The following SHCBP1L variants were observed in gnomAD, a reference collection of about 807,000 sequenced individuals.
The protein encoded by SHCBP1L is testicular spindle-associated protein SHCBP1L.
Under a neutral mutation model 62.5 loss-of-function variants are expected in SHCBP1L, and 67 were observed. The ratio of observed to expected loss-of-function variants is 1.07; its 90% confidence interval spans 0.88 to 1.31. The LOEUF (loss-of-function observed/expected upper bound fraction) is 1.31, where lower values mean the gene tolerates loss of function less well. Ranked by LOEUF, SHCBP1L falls within the 40% of genes most tolerant of loss-of-function variation. SHCBP1L has a pLI of 0.00. For missense variants in SHCBP1L, 823 were observed against 809.8 expected (o/e 1.02, Z -0.20); for synonymous variants, 284 against 289.4 (o/e 0.98, Z 0.19).
chr1:182,913,800 G>A (rs1219294690), intron 6 of SHCBP1L, among the ~76,000 whole-genome samples: 1 of 152,178 alleles, frequency 6.6e-6, no homozygotes, highest in Admixed American at 6.5e-5. Flanking sequence ...GGCCAACATG[G>A]CGAAACCCCA....
At chr1:182,906,047 G>A (rs750273576) in intron 6 of SHCBP1L, among the ~76,000 whole-genome samples, 1 of 151,956 alleles carries the variant, frequency 6.6e-6, no homozygotes, top group Non-Finnish European at 1.5e-5. Context: ...CGATTCTCTT[G>A]CCTCAGCCTC....
At chr1:182,919,339 C>A (rs1487976094) in intron 6 of SHCBP1L, among the ~76,000 whole-genome samples, 2 of 152,136 alleles carry the variant, frequency 1.3e-5, no homozygotes, top group African/African-American at 4.8e-5. Context: ...TGGCAAAAGG[C>A]AAGAACTCTG....
chr1:182,924,935 G>GGA (rs1650673628), intron 6 of SHCBP1L, among the ~76,000 whole-genome samples: 2 of 62,346 alleles, frequency 3.2e-5, no homozygotes, highest in Admixed American at 4.6e-4. Context: ...AGGAAGGAAG[G>GGA]AAGAAAGAAA....
At chr1:182,931,410 G>T (rs1650992380) in intron 5 of SHCBP1L, among the ~76,000 whole-genome samples, 1 of 151,928 alleles carries the variant, frequency 6.6e-6, no homozygotes, top group South Asian at 2.1e-4. Flanking sequence ...TTACATACAA[G>T]GTATTCATTT....
rs1396781714 is a variant in SHCBP1L at position 182,904,178 on chromosome 1, ACCTGGGCG to A, written c.1581_1587+1del. 1 of 1,613,564 alleles carries A rather than the reference ACCTGGGCG, an allele frequency of 6.2e-7. No homozygotes were observed. ...GGCCATACTTTTTAAAGAATGAAATACCTGGGCGCCAGTTATTTCACTGTCTGTAATTG... is the reference window on the plus strand; with the variant it reads ...GGCCATACTTTTTAAAGAATGAAATACCAGTTATTTCACTGTCTGTAATTG... On this transcript the variant is annotated splice_donor_variant and coding_sequence_variant, in exon 8 of 10. Coordinates refer to ENST00000367547, the MANE Select transcript of SHCBP1L (RefSeq NM_030933.4). LOFTEE classifies it high-confidence loss of function.
intron 7 of SHCBP1L, 35 bp from the exon 8 acceptor site, chr1:182,904,465 A>C: frequency 1.2e-6 from 2 of 1,607,452 alleles, no homozygotes; most frequent in Non-Finnish European, 1.7e-6. Flanking sequence ...TTAAATCAGT[A>C]ATCTCCCATT....
chr1:182,900,371 C>A, intron 9 of SHCBP1L, 137 bp from the exon 10 acceptor site: 3 of 699,066 alleles, frequency 4.3e-6, no homozygotes, highest in South Asian at 5.3e-5. Context: ...CAATTTTGAA[C>A]AAGTGTTAAG....
At chr1:182,924,788 GAGAGA>G (rs1650655882) in intron 6 of SHCBP1L, among the ~76,000 whole-genome samples, 2 of 93,000 alleles carry the variant, frequency 2.2e-5, no homozygotes, top group African/African-American at 1.7e-4. Context: ...AAGAAAGAAA[GAGAGA>G]AAGAAAGGAA....
At chr1:182,934,308 C>T (rs1399970275) in intron 5 of SHCBP1L, among the ~76,000 whole-genome samples, 1 of 152,100 alleles carries the variant, frequency 6.6e-6, no homozygotes, top group Non-Finnish European at 1.5e-5. Flanking sequence ...TTCTAACCAA[C>T]AAAGAATGAG....
At position 182,953,164 on chromosome 1, in the gene SHCBP1L, G is replaced by A; in HGVS notation, c.-31C>T. The A allele has an allele frequency of 6.4e-7, 1 of 1,568,896 alleles. No individual in the cohort carries two copies. Among genetic ancestry groups the A allele is most frequent in the South Asian group, 1.2e-5 (1 of 86,878 alleles). On this transcript the variant is annotated 5_prime_UTR_variant, in exon 1 of 10. The change creates a new upstream start codon in the 5' untranslated region. Coordinates refer to ENST00000367547, the MANE Select transcript of SHCBP1L (RefSeq NM_030933.4). ...CAGCAGCCCGAGGGCCGAGGCAGCC[G>A]TTGGCCACTTTTCCCGCCCTCGGCC...
chr1:182,952,250 A>ACC (rs1651799077), intron 1 of SHCBP1L, among the ~76,000 whole-genome samples: 1 of 127,678 alleles, frequency 7.8e-6, no homozygotes, highest in Admixed American at 8.4e-5. Context: ...ACACACACAC[A>ACC]CACACACACA....
chr1:182,946,059 TAAA>T (rs1392288364), intron 2 of SHCBP1L, among the ~76,000 whole-genome samples: 8 of 127,854 alleles, frequency 6.3e-5, no homozygotes, highest in Non-Finnish European at 8.5e-5. Context: ...GACTCCGTCT[TAAA>T]AAAAAAAAAA....
At chr1:182,947,108 G>A (rs1343883607) in intron 2 of SHCBP1L, among the ~76,000 whole-genome samples, 6 of 151,838 alleles carry the variant, frequency 4.0e-5, no homozygotes, top group Non-Finnish European at 8.8e-5. Flanking sequence ...ATGGTGGCTC[G>A]CGCCTATAAT....
rs73033574 is a variant in SHCBP1L at position 182,951,447 on chromosome 1, A to G, written c.426T>C (p.Val142=). Residue 142 remains valine, a synonymous_variant, in exon 2 of 10, where the codon GTT becomes GTC. Transcript: ENST00000367547. Reference sequence around the variant, plus strand: ...ATTTTTCTGATAGGTATTTACCCATAACTTCATCAGCATCTTCTGCCTAAC... The same window carrying G: ...ATTTTTCTGATAGGTATTTACCCATGACTTCATCAGCATCTTCTGCCTAAC... The part of the protein sequence containing the change: ...QDCKAEDADE[V]MGKYLSEKLK... 6,282 of 1,589,548 alleles carry G rather than the reference A, an allele frequency of 4.0e-3. 231 individuals carry two copies. In the African/African-American group the frequency reaches 0.076, roughly 19 times the overall value.
intron 5 of SHCBP1L, among the ~76,000 whole-genome samples, chr1:182,934,272 C>A (rs1313162760): frequency 1.3e-5 from 2 of 152,060 alleles, no homozygotes; most frequent in Non-Finnish European, 2.9e-5. Context: ...CCGAACAGTG[C>A]TCTAAAGAGG....
At chr1:182,915,943 ACC>A (rs1650343934) in intron 6 of SHCBP1L, among the ~76,000 whole-genome samples, 1 of 151,656 alleles carries the variant, frequency 6.6e-6, no homozygotes, top group Admixed American at 6.6e-5. Flanking sequence ...AGTAGCTGGG[ACC>A]ACAGGCGCCC....
chr1:182,900,037 ATTC>A lies in SHCBP1L; in HGVS notation c.1905_1907del (p.Met635_Asn636delinsIle), dbSNP rs1195260051. On this transcript the variant is annotated inframe_deletion, in exon 10 of 10. Transcript: ENST00000367547. ...TGACGTTTGCTTCTATCTTATTATT[ATTC>A]ATTTCCAGATTCAGATTTTGCATTA... The A allele has an allele frequency of 6.2e-7, 1 of 1,613,128 alleles. No homozygotes were observed.
intron 9 of SHCBP1L, 103 bp from the exon 10 acceptor site, chr1:182,900,337 A>AT (rs1236190141): frequency 1.9e-5 from 19 of 1,009,532 alleles, no homozygotes; most frequent in African/African-American, 1.5e-4. Context: ...GGATTAACAG[A>AT]TTTTTTAAAA....
At position 182,904,276 on chromosome 1, in the gene SHCBP1L, A is replaced by G. The variant is rs1557988547; in HGVS notation, c.1491T>C (p.Thr497=). The G allele has an allele frequency of 2.5e-6, 4 of 1,614,166 alleles. No homozygotes were observed. Among genetic ancestry groups the G allele is most frequent in the Admixed American group, 3.3e-5 (2 of 60,016 alleles). ...CACATTTTAATATGCAGTTTTCTAG[A>G]GTCATGTGACCAGACTCCACCACCA... ...GIVVVESGHM[T]LENCILKCEG... Residue 497 remains threonine (T), a synonymous_variant, in exon 8 of 10, where the codon ACT becomes ACC. Coordinates refer to ENST00000367547, the MANE Select transcript of SHCBP1L (RefSeq NM_030933.4).
Sources: allele counts gnomAD v4.1 joint callset (sites outside exome capture counted in the v4.1 genomes callset), GRCh38; gene constraint gnomAD v4.1.1; transcripts MANE v1.5; gene names NCBI Gene and HGNC (gene_info 2026-07-23, HGNC 2026-07-21).